The following VEPH1 variants were observed in gnomAD, a reference collection of about 807,000 sequenced individuals.
The protein encoded by VEPH1 is ventricular zone-expressed PH domain-containing protein homolog 1.
VEPH1 carries 80 observed loss-of-function variants against 85.2 expected under a neutral mutation model. The ratio of observed to expected loss-of-function variants is 0.94; its 90% CI spans 0.78 to 1.13. The LOEUF (loss-of-function observed/expected upper bound fraction) is 1.13. Ranked by LOEUF, VEPH1 falls within the 50% of genes most tolerant of loss-of-function variation. The pLI, the probability that VEPH1 is intolerant of heterozygous loss-of-function variation, is 0.00. For synonymous variants in VEPH1, 297 were observed against 348.0 expected (o/e 0.85, Z 1.63); for missense variants, 955 against 980.5 (o/e 0.97, Z 0.35).
intron 4 of VEPH1, chr3:157,437,168 T>C (rs980841329): frequency 7.7e-6 from 11 of 1,423,318 alleles, no homozygotes; most frequent in Non-Finnish European, 1.1e-5. Flanking sequence ...GTTAAAAATT[T>C]ATAGCTTGTT....
At chr3:157,439,895 T>C (rs540238380) in intron 4 of VEPH1, among the ~76,000 whole-genome samples, 1 of 152,088 alleles carries the variant, frequency 6.6e-6, no homozygotes, top group African/African-American at 2.4e-5. Flanking sequence ...GGACTACAGG[T>C]GCTCGCCACC....
intron 9 of VEPH1, among the ~76,000 whole-genome samples, chr3:157,344,682 T>G (rs971861351): frequency 1.3e-5 from 2 of 152,186 alleles, no homozygotes; most frequent in Non-Finnish European, 2.9e-5. Flanking sequence ...CTACTTTAAA[T>G]TTCATATGGA....
intron 3 of VEPH1, among the ~76,000 whole-genome samples, chr3:157,461,939 G>A (rs1354562232): frequency 6.6e-6 from 1 of 151,610 alleles, no homozygotes; most frequent in African/African-American, 2.4e-5. Flanking sequence ...AGAACTTCTA[G>A]TCATCAAGAG....
At chr3:157,430,296 G>A (rs1733042402) in intron 4 of VEPH1, among the ~76,000 whole-genome samples, 1 of 152,114 alleles carries the variant, frequency 6.6e-6, no homozygotes, top group African/African-American at 2.4e-5. Flanking sequence ...TGTTTTGGAT[G>A]CTTTAAAATT....
intron 11 of VEPH1, among the ~76,000 whole-genome samples, chr3:157,302,343 T>C (rs1219998392): frequency 6.6e-6 from 1 of 152,172 alleles, no homozygotes; most frequent in Non-Finnish European, 1.5e-5. Context: ...CTGGTTGCAA[T>C]GGACTGAAGG....
intron 6 of VEPH1, among the ~76,000 whole-genome samples, chr3:157,399,807 A>AT (rs200494240): frequency 9.6e-4 from 145 of 151,504 alleles, no homozygotes; most frequent in Non-Finnish European, 1.5e-3. Context: ...TGCCTGAAAT[A>AT]TTTTTTTTTG....
intron 3 of VEPH1, among the ~76,000 whole-genome samples, chr3:157,461,471 T>C (rs73030026): frequency 5.9e-5 from 9 of 152,346 alleles, no homozygotes; most frequent in African/African-American, 2.2e-4. Flanking sequence ...CCCACTGTTA[T>C]ATTCAGATCT....
At chr3:157,417,979 G>A (rs559892500) in intron 5 of VEPH1, among the ~76,000 whole-genome samples, 1 of 152,224 alleles carries the variant, frequency 6.6e-6, no homozygotes, top group South Asian at 2.1e-4. Context: ...TGCCCTGCAT[G>A]TGAACACCCC....
At position 157,387,266 on chromosome 3, in the gene VEPH1, A is replaced by G. The variant is rs138256147; in HGVS notation, c.907-5890T>C. Among the ~76,000 whole-genome samples the G allele has an allele frequency of 3.5e-4, 54 of 152,314 alleles. No homozygotes were observed. In the East Asian group the frequency reaches 9.3e-3, roughly 26 times the overall value. ...TGCTATCCTTTGTCAGAAAAACAGA[A>G]CACAACTCAGAAAATGGCCAAACAT... is the stretch of plus-strand genomic sequence containing the variant. On this transcript the variant is annotated intron_variant, in intron 6 of 13. Transcript: ENST00000362010.
chr3:157,488,508 T>TTTC (rs1738881836), intron 2 of VEPH1, among the ~76,000 whole-genome samples: 1 of 119,882 alleles, frequency 8.3e-6, no homozygotes, highest in African/African-American at 3.9e-5. Flanking sequence ...TCTTTCTTTC[T>TTTC]TTTTTTTTTT....
rs1181387722 is a variant in VEPH1 at position 157,406,728 on chromosome 3, A to T, written c.906+7153T>A. On this transcript the variant is annotated intron_variant, in intron 6 of 13. Coordinates refer to ENST00000362010, the MANE Select transcript of VEPH1 (RefSeq NM_001167912.2). The stretch of plus-strand genomic sequence containing the variant: ...TAGTGAAGGAAAAACAAGTGGCCAT[A>T]GCATCCTTCCACGTGCTATGAGATC... Among the ~76,000 whole-genome samples, 4 of 133,420 alleles carry T rather than the reference A, an allele frequency of 3.0e-5. No individual in the cohort carries two copies. In the South Asian group the frequency reaches 9.6e-4, roughly 32 times the overall value. 87.5% of individuals were successfully genotyped at this position (133,420 alleles called of 152,430 possible).
chr3:157,489,890 T>C (rs1384113131), intron 2 of VEPH1, among the ~76,000 whole-genome samples: 4 of 151,968 alleles, frequency 2.6e-5, no homozygotes, highest in African/African-American at 9.7e-5. Context: ...CATACAAGAA[T>C]CATTTATGTT....
At chr3:157,478,286 G>T (rs1737684562) in intron 2 of VEPH1, among the ~76,000 whole-genome samples, 1 of 152,012 alleles carries the variant, frequency 6.6e-6, no homozygotes, top group South Asian at 2.1e-4. Flanking sequence ...TTTCACAGCT[G>T]CATTACAGTG....
chr3:157,395,323 A>AGCTG (rs1272436247), intron 6 of VEPH1, among the ~76,000 whole-genome samples: 83 of 152,360 alleles, frequency 5.4e-4, no homozygotes, highest in African/African-American at 1.9e-3. Flanking sequence ...TGCCACAGGT[A>AGCTG]GCTGGCTGAA....
intron 6 of VEPH1, among the ~76,000 whole-genome samples, chr3:157,386,129 G>A (rs1729262188): frequency 6.6e-6 from 1 of 151,510 alleles, no homozygotes; most frequent in Non-Finnish European, 1.5e-5. Context: ...ACTAGCATCA[G>A]TAGTTTTGCT....
Position 157,363,448 on chromosome 3 carries a change from A to C in VEPH1, c.1651T>G (p.Leu551Val). Residue 551 changes from leucine (L) to valine (V), a missense_variant, in exon 9 of 14, where the codon TTA becomes GTA. Leu to Val is a conservative substitution (Grantham distance 32). Transcript: ENST00000362010. ...IEYQDKLYLH[L>V]KKNLSKVKAY... ...TTCACTTTGCTGAGGTTTTTTTTTA[A>C]GTGCAAGTAGAGCTTATCTTGGTAT... The C allele has an allele frequency of 6.2e-7, 1 of 1,613,014 alleles. No individual in the cohort carries two copies. The highest frequency in any genetic ancestry group is 8.5e-7 in the Non-Finnish European group (1 of 1,179,766).
At chr3:157,346,865 C>T (rs1057151740) in intron 9 of VEPH1, among the ~76,000 whole-genome samples, 1 of 152,146 alleles carries the variant, frequency 6.6e-6, no homozygotes, top group Admixed American at 6.5e-5. Context: ...ATCCTATTGC[C>T]TCAGCCTCCC....
intron 7 of VEPH1, among the ~76,000 whole-genome samples, chr3:157,366,718 A>G (rs536032005): frequency 6.6e-6 from 1 of 152,110 alleles, no homozygotes; most frequent in Non-Finnish European, 1.5e-5. Flanking sequence ...CTGGGTGACA[A>G]GAGTGAAACT....
At chr3:157,478,294 G>C (rs1336830834) in intron 2 of VEPH1, among the ~76,000 whole-genome samples, 1 of 152,076 alleles carries the variant, frequency 6.6e-6, no homozygotes, top group Non-Finnish European at 1.5e-5. Flanking sequence ...CTGCATTACA[G>C]TGCAAATTTT....
Sources: gnomAD v4.1 joint callset for allele counts (sites outside exome capture counted in the v4.1 genomes callset) on GRCh38, gnomAD v4.1.1 for gene constraint, MANE v1.5 for transcripts, NCBI Gene and HGNC (gene_info 2026-07-23, HGNC 2026-07-21) for gene names.